CCDC33: variants seen among roughly 807,000 people sequenced by gnomAD.
The protein encoded by CCDC33 is coiled-coil domain-containing protein 33.
A neutral mutation model predicts 91.9 loss-of-function variants in CCDC33; 94 were observed. That is an observed-to-expected ratio of 1.02 (90% CI 0.87 to 1.21). CCDC33 has a LOEUF of 1.21. Among genes scored for constraint, CCDC33 ranks in the 50% most tolerant of loss-of-function variants. The probability of loss-of-function intolerance (pLI) is 0.00; values close to 1 mark genes in which losing one functional copy is unlikely to be tolerated. For synonymous variants in CCDC33, 396 were observed against 374.5 expected (o/e 1.06, Z -0.66); for missense variants, 940 against 935.5 (o/e 1.00, Z -0.06).
chr15:74,312,515 C>T (rs2060011422), intron 11 of CCDC33, among the ~76,000 whole-genome samples: 2 of 152,208 alleles, frequency 1.3e-5, no homozygotes, highest in African/African-American at 4.8e-5. Flanking sequence ...TACAGCTTCT[C>T]CCTGCTCCCT....
intron 7 of CCDC33, among the ~76,000 whole-genome samples, chr15:74,275,598 A>G (rs1426076112): frequency 2.0e-5 from 3 of 152,032 alleles, no homozygotes; most frequent in Non-Finnish European, 4.4e-5. Flanking sequence ...ACCCCGAATT[A>G]CCATCTTCAG....
chr15:74,305,885 C>G (rs2059884367), intron 11 of CCDC33, among the ~76,000 whole-genome samples: 1 of 111,016 alleles, frequency 9.0e-6, no homozygotes, highest in African/African-American at 4.7e-5. Flanking sequence ...AAAAATCACT[C>G]AACCTCTCTG....
chr15:74,217,191 G>A, upstream of CCDC33: 2 of 1,078,262 alleles, frequency 1.9e-6, no homozygotes, highest in Non-Finnish European at 2.4e-6. Flanking sequence ...CACCCAGCCT[G>A]CAGGCTTTCA....
At position 74,254,436 on chromosome 15, in the gene CCDC33, C is replaced by A. The variant is rs952412140; in HGVS notation, c.186-8004C>A. 3.3e-5 allele frequency among the ~76,000 whole-genome samples: 5 copies of A among 152,206 alleles called. No individual in the cohort carries two copies. The East Asian group carries it at 9.6e-4, about 29-fold the overall frequency. On this transcript the variant is annotated intron_variant, in intron 2 of 18. Transcript: ENST00000398814. ...CCTCTGGTCAGTGAGGATCTCTGGG[C>A]CCCTCATTGTTCCTCTCCTGAACCC...
At chr15:74,334,897 C>T (rs2060531035) in intron 17 of CCDC33, 78 bp from the exon 18 acceptor site, 1 of 1,187,446 alleles carries the variant, frequency 8.4e-7, no homozygotes, top group Non-Finnish European at 1.3e-6. Context: ...ACAGCAGGCT[C>T]AGGCCCTGGT....
At chr15:74,326,609 G>A (rs1489512503) in intron 11 of CCDC33, among the ~76,000 whole-genome samples, 1 of 152,268 alleles carries the variant, frequency 6.6e-6, no homozygotes, top group East Asian at 1.9e-4. Flanking sequence ...TCTCACCTGG[G>A]CAGGATCTGA....
chr15:74,330,107 C>G (rs1596136854), intron 11 of CCDC33, 82 bp from the exon 12 acceptor site: 1 of 1,473,202 alleles, frequency 6.8e-7, no homozygotes, highest in Non-Finnish European at 9.1e-7. Context: ...GGGGGACCCA[C>G]TGACTTTCAA....
At chr15:74,300,556 C>G (rs2059774595) in intron 11 of CCDC33, 1 of 152,268 alleles carries the variant, frequency 6.6e-6, no homozygotes. Flanking sequence ...TCCGGCTGAG[C>G]CTCTTGGCCT....
At chr15:74,257,421 T>C (rs754585553) in intron 2 of CCDC33, among the ~76,000 whole-genome samples, 1 of 152,178 alleles carries the variant, frequency 6.6e-6, no homozygotes, top group Non-Finnish European at 1.5e-5. Context: ...GCCTCAGATC[T>C]CAGCTCCTCC....
At chr15:74,308,334 C>T (rs2059928787) in intron 11 of CCDC33, among the ~76,000 whole-genome samples, 1 of 137,962 alleles carries the variant, frequency 7.2e-6, no homozygotes, top group Admixed American at 7.7e-5. Flanking sequence ...CTAGAAAAGC[C>T]CAGTCCATGT....
rs2074518503 is a variant in CCDC33, at chr15:74,218,947, CCTGAG to C, written c.675+98_675+102del. On this transcript the variant is annotated intron_variant, in intron 2 of 2. Coordinates refer to the CCDC33 transcript ENST00000635913. This position sits in a 1 kb window ranked among gnomAD's most constrained non-coding sequence, Gnocchi z 4.8. ...CGTGATAAGCCAGGCTACCCCCTGTCCTGAGCTGAGCTGAGCAGAGCAGCAGAGCT... is the reference window on the plus strand; with the variant it reads ...CGTGATAAGCCAGGCTACCCCCTGTCCTGAGCTGAGCAGAGCAGCAGAGCT... 15 of 1,177,092 alleles carry C rather than the reference CCTGAG, an allele frequency of 1.3e-5. No individual in the cohort carries two copies. The highest frequency in any genetic ancestry group is 1.5e-5 in the Non-Finnish European group (14 of 930,088). The allele number at this position is 1,177,092 out of a possible 1,614,324, so 72.9% of individuals were successfully genotyped here.
chr15:74,238,304 A>T (rs1018369224), intron 1 of CCDC33, among the ~76,000 whole-genome samples: 1 of 151,636 alleles, frequency 6.6e-6, no homozygotes, highest in African/African-American at 2.4e-5. Context: ...GCTACTCGGG[A>T]GGCTGAGACA....
chr15:74,306,640 A>T (rs928922489), intron 11 of CCDC33, among the ~76,000 whole-genome samples: 9 of 152,084 alleles, frequency 5.9e-5, no homozygotes, highest in African/African-American at 1.9e-4. Context: ...CAGTTTCTCT[A>T]TCTGTATTAA....
upstream of CCDC33, chr15:74,212,792 A>G (rs780418031): frequency 6.6e-6 from 1 of 152,290 alleles, no homozygotes. Flanking sequence ...AAGGACGGAC[A>G]TAGAAAAGAG....
intron 5 of CCDC33, among the ~76,000 whole-genome samples, chr15:74,269,093 A>G (rs2076247109): frequency 6.6e-6 from 1 of 151,654 alleles, no homozygotes; most frequent in African/African-American, 2.4e-5. Flanking sequence ...TCCACCCCCT[A>G]GGCCAATTAG....
At chr15:74,293,269 T>C (rs1434141755) in intron 10 of CCDC33, among the ~76,000 whole-genome samples, 2 of 152,200 alleles carry the variant, frequency 1.3e-5, no homozygotes, top group Non-Finnish European at 2.9e-5. Flanking sequence ...AGAGATTGGC[T>C]TTCTGCCTGG....
intron 11 of CCDC33, chr15:74,319,575 G>C (rs1236488409): frequency 6.6e-6 from 1 of 152,470 alleles, no homozygotes; most frequent in Non-Finnish European, 1.5e-5. Context: ...CTGGACTCTG[G>C]CCCAATACCC....
At chr15:74,278,046 G>A (rs2076494782) in intron 7 of CCDC33, among the ~76,000 whole-genome samples, 1 of 152,184 alleles carries the variant, frequency 6.6e-6, no homozygotes, top group Admixed American at 6.5e-5. Context: ...TCACTCCCAA[G>A]CCCCACAGAA....
chr15:74,213,928 G>A (rs1432225454), upstream of CCDC33, among the ~76,000 whole-genome samples: 1 of 152,184 alleles, frequency 6.6e-6, no homozygotes, highest in Non-Finnish European at 1.5e-5. Context: ...CACTAGCCAC[G>A]TGCTCTCTCT....
Sources: gnomAD v4.1 joint callset for allele counts (sites outside exome capture counted in the v4.1 genomes callset) on GRCh38, gnomAD v4.1.1 for gene constraint, Gnocchi (gnomAD v3.1) non-coding constraint, MANE v1.5 for transcripts, NCBI Gene and HGNC (gene_info 2026-07-23, HGNC 2026-07-21) for gene names.